Variants in ARHGEF10L observed in about 807,000 individuals in gnomAD.
ARHGEF10L encodes Rho guanine nucleotide exchange factor 10 like.
In ARHGEF10L, 69 loss-of-function variants were observed where a neutral mutation model predicts 141.2. That is an observed-to-expected ratio of 0.49 (90% CI 0.40 to 0.60). The LOEUF is 0.60. Ranked by LOEUF, ARHGEF10L falls within the 20% of genes least tolerant of loss-of-function variation. The probability of loss-of-function intolerance (pLI) is 0.00; values close to 1 mark genes in which losing one functional copy is unlikely to be tolerated. For missense variants in ARHGEF10L, 1,482 were observed against 1,734.3 expected, an observed-to-expected ratio of 0.85 and a Z score of 2.58; for synonymous variants, 711 against 718.5, an observed-to-expected ratio of 0.99 and a Z score of 0.17.
At chr1:17,543,523 C>T (rs1405759695) in intron 1 of ARHGEF10L, among the ~76,000 whole-genome samples, 1 of 151,642 alleles carries the variant, frequency 6.6e-6, no homozygotes, top group Non-Finnish European at 1.5e-5. Context: ...GCGGAGGTTG[C>T]AGTGAGCCGA....
rs781265064 is a variant in ARHGEF10L, at chr1:17,632,494, A to G, written c.1730+28A>G. 16 of 1,613,182 alleles carry G rather than the reference A, an allele frequency of 9.9e-6. No individual in the cohort carries two copies. The African/African-American group carries it at 1.9e-4, about 19-fold the overall frequency. ...AAGTGGGCCTGGGTTGGAGGGGGCA[A>G]TCACCCCTCCCTGGAGACCCCATCC... On this transcript the variant is annotated intron_variant, in intron 16 of 28. Transcript: ENST00000361221.
intron 3 of ARHGEF10L, 95 bp downstream of exon 3, chr1:17,587,740 T>C (rs1409911838): frequency 2.2e-6 from 3 of 1,348,304 alleles, no homozygotes; most frequent in Non-Finnish European, 3.0e-6. Context: ...TGGTGGCCCC[T>C]CCGCTGTCCC....
intron 4 of ARHGEF10L, among the ~76,000 whole-genome samples, chr1:17,590,617 A>G (rs2079448148): frequency 6.6e-6 from 1 of 152,126 alleles, no homozygotes; most frequent in African/African-American, 2.4e-5. Context: ...GGTGAGTGCC[A>G]AAGACGTCCT....
the ARHGEF10L span, among the ~76,000 whole-genome samples, chr1:17,518,314 G>A: frequency 3.3e-5 from 5 of 152,176 alleles, no homozygotes; most frequent in African/African-American, 7.2e-5. Context: ...CTGCTGATCC[G>A]TGAGTGTGTT....
chr1:17,522,678 C>T, the ARHGEF10L span, among the ~76,000 whole-genome samples: 7 of 152,130 alleles, frequency 4.6e-5, no homozygotes, highest in African/African-American at 1.4e-4. Flanking sequence ...CTTCTGTGCC[C>T]GCAAAGGCTT....
chr1:17,583,579 G>A (rs79114170), intron 2 of ARHGEF10L, among the ~76,000 whole-genome samples: 3,236 of 152,152 alleles, frequency 0.021, 114 homozygotes, highest in African/African-American at 0.071. Context: ...ACTAGGAGGG[G>A]GTCAAATAAC....
chr1:17,527,624 CACTGCTG>C, the ARHGEF10L span, among the ~76,000 whole-genome samples: 2,493 of 152,202 alleles, frequency 0.016, 69 homozygotes, highest in African/African-American at 0.057. Flanking sequence ...AGACTCTGTG[CACTGCTG>C]TCTTTACTGA....
At position 17,697,706 on chromosome 1, in the gene ARHGEF10L, C is replaced by A. The variant is rs1047010258; in HGVS notation, c.*326C>A. The A allele has an allele frequency of 7.6e-6, 4 of 526,430 alleles. No homozygotes were observed. The highest frequency in any genetic ancestry group is 6.1e-5 in the South Asian group (4 of 65,106). 32.6% of individuals were successfully genotyped at this position (526,430 alleles called of 1,614,324 possible). The stretch of plus-strand genomic sequence containing the variant: ...CGGGACTCCAAGGCAGCCACACGCC[C>A]CTCCTGGAAGGGTGTGTGCGTGTGA... On this transcript the variant is annotated 3_prime_UTR_variant, in exon 29 of 29. Coordinates refer to ENST00000361221, the MANE Select transcript of ARHGEF10L (RefSeq NM_018125.4). This position sits in a 1 kb window ranked among gnomAD's most constrained non-coding sequence, Gnocchi z 4.8.
intron 16 of ARHGEF10L, 155 bp from the exon 17 acceptor site, chr1:17,634,393 C>T (rs1470260214): frequency 2.4e-6 from 3 of 1,236,822 alleles, no homozygotes; most frequent in Non-Finnish European, 2.4e-6. Flanking sequence ...TCTGTCCACA[C>T]CTGGCCTCTG....
chr1:17,556,134 G>T (rs1223572026), intron 1 of ARHGEF10L, among the ~76,000 whole-genome samples: 2 of 96,314 alleles, frequency 2.1e-5, no homozygotes, highest in East Asian at 4.3e-4. Flanking sequence ...GGAAACACAG[G>T]GGGGCCTGGG....
intron 25 of ARHGEF10L, among the ~76,000 whole-genome samples, chr1:17,658,923 A>T (rs1241481822): frequency 6.6e-6 from 1 of 152,154 alleles, no homozygotes; most frequent in Non-Finnish European, 1.5e-5. Context: ...TTCTTGGTAG[A>T]GGGAACAGTA....
At chr1:17,634,412 A>G in intron 16 of ARHGEF10L, 136 bp from the exon 17 acceptor site, 1 of 1,458,360 alleles carries the variant, frequency 6.9e-7, no homozygotes, top group Non-Finnish European at 9.6e-7. Context: ...TGATGCCCTC[A>G]TTCCCCGCAG....
At chr1:17,685,729 C>A (rs2064517707) in intron 26 of ARHGEF10L, among the ~76,000 whole-genome samples, 1 of 152,222 alleles carries the variant, frequency 6.6e-6, no homozygotes, top group East Asian at 1.9e-4. Flanking sequence ...ATAAATGAGA[C>A]CCTACTAGGC....
At chr1:17,575,415 T>C (rs1345044842) in intron 1 of ARHGEF10L, among the ~76,000 whole-genome samples, 1 of 152,244 alleles carries the variant, frequency 6.6e-6, no homozygotes, top group Non-Finnish European at 1.5e-5. Flanking sequence ...CTGGTTTTGA[T>C]GACTGAACAG....
At chr1:17,636,945 A>T (rs2061037681) in intron 18 of ARHGEF10L, among the ~76,000 whole-genome samples, 1 of 151,550 alleles carries the variant, frequency 6.6e-6, no homozygotes, top group African/African-American at 2.4e-5. Context: ...CTCCTGCTCT[A>T]TCTCTACCTG....
At position 17,690,410 on chromosome 1, in the gene ARHGEF10L, G is replaced by A. The variant is rs11586005; in HGVS notation, c.3184+2663G>A. Among the ~76,000 whole-genome samples the A allele has an allele frequency of 4.5e-3, 683 of 152,328 alleles. 5 individuals are homozygous for A. The highest frequency in any genetic ancestry group is 0.015 in the African/African-American group (641 of 41,572). ...TGTGAGGACAGTGCCCACAGTCCCC[G>A]TCTCAAGCCAGCAGCGGTCCATGAT... On this transcript the variant is annotated intron_variant, in intron 27 of 28. Coordinates refer to ENST00000361221, the MANE Select transcript of ARHGEF10L (RefSeq NM_018125.4).
At chr1:17,582,278 C>T (rs2078637613) in intron 2 of ARHGEF10L, among the ~76,000 whole-genome samples, 1 of 152,152 alleles carries the variant, frequency 6.6e-6, no homozygotes, top group Non-Finnish European at 1.5e-5. Flanking sequence ...CTCTCCCCAC[C>T]AAGAGGCCTG....
chr1:17,670,387 G>A (rs891958455), intron 26 of ARHGEF10L, among the ~76,000 whole-genome samples: 2 of 152,260 alleles, frequency 1.3e-5, no homozygotes, highest in African/African-American at 2.4e-5. Flanking sequence ...ACCGGGGCCC[G>A]TGTCAACACC....
chr1:17,537,450 C>T (rs557225165), upstream of ARHGEF10L, among the ~76,000 whole-genome samples: 2 of 152,310 alleles, frequency 1.3e-5, no homozygotes, highest in East Asian at 3.9e-4. Context: ...GGGCATGGCC[C>T]CTGCCCTCAA....
Sources: gnomAD v4.1 joint callset for allele counts (sites outside exome capture counted in the v4.1 genomes callset) on GRCh38, gnomAD v4.1.1 for gene constraint, Gnocchi (gnomAD v3.1) non-coding constraint, MANE v1.5 for transcripts, NCBI Gene and HGNC (gene_info 2026-07-23, HGNC 2026-07-21) for gene names.